Variants in ARHGAP20 observed in about 807,000 individuals in gnomAD.
The protein encoded by ARHGAP20 is rho GTPase-activating protein 20.
ARHGAP20 carries 34 observed loss-of-function variants against 73.7 expected under a neutral mutation model. That is an observed-to-expected ratio of 0.46 (90% CI 0.35 to 0.61). The LOEUF (loss-of-function observed/expected upper bound fraction) is 0.61. Among genes scored for constraint, ARHGAP20 ranks in the 20% least tolerant of loss-of-function variants. The pLI, the probability that ARHGAP20 is intolerant of heterozygous loss-of-function variation, is 0.00. For missense variants in ARHGAP20, 1,314 were observed against 1,420.9 expected (o/e 0.92, Z 1.21); for synonymous variants, 523 against 518.2 (o/e 1.01, Z -0.13).
At position 110,712,104 on chromosome 11, in the gene ARHGAP20, G is replaced by C. The variant is rs771459246; in HGVS notation, c.105+23C>G. The C allele has an allele frequency of 6.0e-5, 78 of 1,292,708 alleles. No individual in the cohort carries two copies. In the African/African-American group the frequency reaches 1.1e-3, roughly 18 times the overall value. 80.1% of individuals were successfully genotyped at this position (1,292,708 alleles called of 1,614,324 possible). A position where few individuals can be genotyped will look rare whatever the true frequency, so the allele number is the denominator to read the frequency against. On this transcript the variant is annotated intron_variant, in intron 1 of 14. Coordinates refer to ENST00000683387, the MANE Select transcript of ARHGAP20 (RefSeq NM_001384657.1). ...TGGGGGCTGCGGCGGCGGAGGGCAC[G>C]GGCCCCCGCTCAGCGTCCTCACCTT...
chr11:110,624,443 A>G (rs1306035856), intron 3 of ARHGAP20, 132 bp from the exon 4 acceptor site: 1 of 665,228 alleles, frequency 1.5e-6, no homozygotes, highest in Non-Finnish European at 2.4e-6. Context: ...GTTCTCACTC[A>G]TAAGAGTGAG....
At chr11:110,690,140 C>G (rs2135116104) in intron 2 of ARHGAP20, among the ~76,000 whole-genome samples, 1 of 152,254 alleles carries the variant, frequency 6.6e-6, no homozygotes. Flanking sequence ...ATATGGTTAT[C>G]TTCCTTCACA....
At chr11:110,674,543 T>G in intron 2 of ARHGAP20, among the ~76,000 whole-genome samples, 1 of 152,300 alleles carries the variant, frequency 6.6e-6, no homozygotes, top group Middle Eastern at 3.4e-3. Flanking sequence ...ATTTAAAATA[T>G]TATATAAAAT....
chr11:110,580,460 G>A lies in ARHGAP20; in HGVS notation c.2486C>T (p.Pro829Leu), dbSNP rs1947424788. Reference protein sequence around the residue: ...PFDVNTSGYSPPHTADALKGP... With the variant: ...PFDVNTSGYSLPHTADALKGP... The stretch of plus-strand genomic sequence containing the variant: ...CTTGAGGGCATCTGCTGTGTGTGGT[G>A]GGGAGTATCCAGATGTATTCACATC... The change falls in exon 15 of 15, where the codon CCA (proline) becomes CTA (leucine). Residue 829 changes from proline (P) to leucine (L), a missense_variant. By Grantham distance (98) the Pro-to-Leu change is moderately conservative. Around this residue, in one of 3 missense-constraint regions of ARHGAP20, gnomAD observed 641 missense variants for 636.9 expected, o/e 1.01. Transcript: ENST00000683387. The A allele has an allele frequency of 6.2e-7, 1 of 1,614,134 alleles. No homozygotes were observed. Among genetic ancestry groups the A allele is most frequent in the African/African-American group, 1.3e-5 (1 of 75,024 alleles).
intron 1 of ARHGAP20, among the ~76,000 whole-genome samples, chr11:110,701,264 T>G (rs1330428874): frequency 6.6e-6 from 1 of 151,474 alleles, no homozygotes; most frequent in Non-Finnish European, 1.5e-5. Flanking sequence ...CCTGACTTTT[T>G]AATGATTGCC....
chr11:110,636,723 T>A (rs931631817), intron 2 of ARHGAP20, among the ~76,000 whole-genome samples: 3 of 151,730 alleles, frequency 2.0e-5, no homozygotes, highest in Admixed American at 6.6e-5. Context: ...ACGGAAAAAA[T>A]TTTCATGGAA....
Position 110,580,593 on chromosome 11 carries a change from T to A in ARHGAP20, c.2353A>T (p.Ser785Cys), listed in dbSNP as rs1372243021. ...AAAAGTTTCACGTGATTTCCTTCAC[T>A]ACCAGACAAGCTTTTCTTCTTAGTG... ...QNTKKKSLSGSEGNHVKLFPK... is the reference protein window; with the variant it reads ...QNTKKKSLSGCEGNHVKLFPK... Residue 785 changes from serine (S) to cysteine (C), a missense_variant, in exon 15 of 15, where the codon AGT (serine) becomes TGT (cysteine). Coordinates refer to ENST00000683387, the MANE Select transcript of ARHGAP20 (RefSeq NM_001384657.1). 4 of 1,614,122 alleles carry A rather than the reference T, an allele frequency of 2.5e-6. No homozygotes were observed. In the Admixed American group the frequency reaches 6.7e-5, roughly 27 times the overall value.
chr11:110,582,551 T>G, intron 13 of ARHGAP20, 116 bp from the exon 14 acceptor site: 1 of 648,794 alleles, frequency 1.5e-6, no homozygotes. Flanking sequence ...GAAAAATTCA[T>G]ATCGGCTTTA....
At chr11:110,622,927 T>C (rs761497750) in intron 4 of ARHGAP20, among the ~76,000 whole-genome samples, 3 of 152,118 alleles carry the variant, frequency 2.0e-5, no homozygotes, top group Non-Finnish European at 2.9e-5. Flanking sequence ...TTCCACATTT[T>C]CCCCTCTTCT....
chr11:110,582,633 A>G (rs1310946558), intron 13 of ARHGAP20, among the ~76,000 whole-genome samples, 198 bp from the exon 14 acceptor site: 1 of 152,268 alleles, frequency 6.6e-6, no homozygotes. Context: ...AAATGTAATC[A>G]GTGGACTAAA....
chr11:110,649,632 A>G (rs953257636), intron 2 of ARHGAP20, among the ~76,000 whole-genome samples: 1 of 152,080 alleles, frequency 6.6e-6, no homozygotes, highest in Admixed American at 6.6e-5. Flanking sequence ...CAGAGGAATC[A>G]GTGTTTCATT....
At chr11:110,709,403 C>G (rs1452472206) in intron 1 of ARHGAP20, among the ~76,000 whole-genome samples, 2 of 152,144 alleles carry the variant, frequency 1.3e-5, no homozygotes, top group African/African-American at 4.8e-5. Flanking sequence ...GATAAGGTCC[C>G]TATTATCATA....
chr11:110,670,879 G>A (rs900431171), intron 2 of ARHGAP20, among the ~76,000 whole-genome samples: 55 of 151,838 alleles, frequency 3.6e-4, no homozygotes, highest in Non-Finnish European at 7.5e-4. Context: ...AAATTGTCAA[G>A]GAACAAGGAA....
Position 110,592,049 on chromosome 11 carries a change from A to G in ARHGAP20, c.1071T>C (p.Pro357=). 1 of 1,614,158 alleles carries G rather than the reference A, an allele frequency of 6.2e-7. No individual in the cohort carries two copies. Among genetic ancestry groups the G allele is most frequent in the Non-Finnish European group, 8.5e-7 (1 of 1,179,994 alleles). The change falls in exon 10 of 15, where the codon CCT becomes CCC. Residue 357 remains proline (P), a synonymous_variant. Coordinates refer to ENST00000683387, the MANE Select transcript of ARHGAP20 (RefSeq NM_001384657.1). ...LDNLPSSPTS[P]MPGQLFGISL... ...AAATTCCAAAGAGCTGTCCTGGCAT[A>G]GGTGATGTTGGCGATGAGGGCAAGT...
chr11:110,672,213 GA>G (rs1949842579), intron 2 of ARHGAP20, among the ~76,000 whole-genome samples: 1 of 151,946 alleles, frequency 6.6e-6, no homozygotes, highest in Non-Finnish European at 1.5e-5. Flanking sequence ...GTACTGTTAA[GA>G]AAATGAAAAG....
intron 2 of ARHGAP20, among the ~76,000 whole-genome samples, chr11:110,638,434 G>A (rs1050281410): frequency 3.9e-5 from 6 of 152,034 alleles, no homozygotes; most frequent in Non-Finnish European, 8.8e-5. Flanking sequence ...GAATACACAG[G>A]AAGGCAACTC....
chr11:110,676,526 A>G (rs1949933309), intron 2 of ARHGAP20, among the ~76,000 whole-genome samples: 1 of 152,156 alleles, frequency 6.6e-6, no homozygotes, highest in Admixed American at 6.5e-5. Flanking sequence ...CACTATCATG[A>G]TGGTAACCAC....
chr11:110,636,429 C>T (rs892685479), intron 2 of ARHGAP20, among the ~76,000 whole-genome samples: 22 of 152,166 alleles, frequency 1.4e-4, no homozygotes, highest in African/African-American at 5.1e-4. Context: ...ATTAATTAGG[C>T]TATTTTTAAA....
At chr11:110,681,032 T>C (rs926352785) in intron 2 of ARHGAP20, among the ~76,000 whole-genome samples, 1 of 152,154 alleles carries the variant, frequency 6.6e-6, no homozygotes, top group East Asian at 1.9e-4. Flanking sequence ...AATCTTCAAG[T>C]ATTAAATTTC....
Sources: allele counts gnomAD v4.1 joint callset (sites outside exome capture counted in the v4.1 genomes callset), GRCh38; gene constraint gnomAD v4.1.1; regional missense constraint gnomAD v4.1.1; transcripts MANE v1.5; gene names NCBI Gene and HGNC (gene_info 2026-07-23, HGNC 2026-07-21).